The following STK32C variants were observed in gnomAD, a reference collection of about 807,000 sequenced individuals.
STK32C encodes serine/threonine kinase 32C.
STK32C carries 31 observed loss-of-function variants against 56.5 expected under a neutral mutation model. The ratio of observed to expected loss-of-function variants is 0.55; its 90% CI spans 0.41 to 0.74. The LOEUF is 0.74. STK32C is among the 30% of genes least tolerant of loss of function. The pLI is 0.00. For missense variants in STK32C, 544 were observed against 676.9 expected (o/e 0.80, Z 2.18); for synonymous variants, 309 against 289.4 (o/e 1.07, Z -0.69).
chr10:132,217,024 TGAGAA>T (rs2062493931), intron 10 of STK32C, among the ~76,000 whole-genome samples: 2 of 151,944 alleles, frequency 1.3e-5, no homozygotes, highest in South Asian at 4.2e-4. Context: ...AGTGGAGCTC[TGAGAA>T]GAGGGCCACC....
rs1258073487 is a variant in STK32C, at chr10:132,207,785, T to C, written c.*225A>G. 2 of 483,576 alleles carry C rather than the reference T, an allele frequency of 4.1e-6. No homozygotes were observed. Among genetic ancestry groups the C allele is most frequent in the Non-Finnish European group, 6.5e-6 (2 of 307,838 alleles). 30.0% of individuals were successfully genotyped at this position (483,576 alleles called of 1,614,324 possible). A position where few individuals can be genotyped will look rare whatever the true frequency, so the allele number is the denominator to read the frequency against. On this transcript the variant is annotated 3_prime_UTR_variant, in exon 12 of 12. Transcript: ENST00000298630. ...GCAGCGCTTCCTCCATCTAGGCGGGTCTCGGGGGCCCACGGGAAATGCCCT... is the reference window on the plus strand; with the variant it reads ...GCAGCGCTTCCTCCATCTAGGCGGGCCTCGGGGGCCCACGGGAAATGCCCT...
chr10:132,295,551 C>CA (rs1264694355), intron 1 of STK32C, among the ~76,000 whole-genome samples: 20 of 152,166 alleles, frequency 1.3e-4, no homozygotes, highest in African/African-American at 4.6e-4. Context: ...ATATCAATGA[C>CA]GGGGTAACAG....
upstream of STK32C, among the ~76,000 whole-genome samples, chr10:132,312,222 T>G (rs1564799426): frequency 6.6e-6 from 1 of 152,132 alleles, no homozygotes; most frequent in Non-Finnish European, 1.5e-5. Context: ...TGGCCTAGGC[T>G]GATCTCAAAC....
chr10:132,243,112 C>T (rs2063563854), intron 2 of STK32C, among the ~76,000 whole-genome samples: 3 of 152,230 alleles, frequency 2.0e-5, no homozygotes, highest in African/African-American at 4.8e-5. Flanking sequence ...GACCTCCCCT[C>T]ATCCCTGGGG....
rs369740357 is a variant in STK32C at position 132,328,398 on chromosome 10, T to G, written c.301+3038A>C. On this transcript the variant is annotated intron_variant, in intron 1 of 1. Transcript: ENST00000368619. The stretch of plus-strand genomic sequence containing the variant: ...GCAGGGTTTGCAAAATATCTCAAGC[T>G]CTGATCTTGGGTTTTACAATAGTGA... Among the ~76,000 whole-genome samples the G allele has an allele frequency of 3.8e-4, 58 of 152,232 alleles. 1 individual carries two copies. The East Asian group carries it at 6.6e-3, about 17-fold the overall frequency.
intron 1 of STK32C, among the ~76,000 whole-genome samples, chr10:132,305,412 C>A (rs1161982676): frequency 6.6e-6 from 1 of 152,212 alleles, no homozygotes; most frequent in Non-Finnish European, 1.5e-5. Context: ...TCTCTGCATA[C>A]TAAATTTGAT....
chr10:132,274,328 T>G (rs2064932798), intron 1 of STK32C, among the ~76,000 whole-genome samples: 1 of 152,156 alleles, frequency 6.6e-6, no homozygotes, highest in South Asian at 2.1e-4. Flanking sequence ...ACACCAAATG[T>G]GGGTCAACAG....
At chr10:132,313,092 G>A (rs1328847087) in intron 1 of STK32C, among the ~76,000 whole-genome samples, 1 of 152,172 alleles carries the variant, frequency 6.6e-6, no homozygotes, top group Non-Finnish European at 1.5e-5. Flanking sequence ...TATGATGGTG[G>A]GATGGGAGGT....
intron 2 of STK32C, among the ~76,000 whole-genome samples, chr10:132,244,601 G>A (rs1331303623): frequency 3.3e-5 from 5 of 152,164 alleles, no homozygotes; most frequent in South Asian, 4.1e-4. Context: ...CATGCTGGCC[G>A]GGCCCAGGCT....
chr10:132,222,672 G>A lies in STK32C; in HGVS notation c.1220C>T (p.Ser407Phe). 2.5e-6 allele frequency: 4 copies of A among 1,613,220 alleles called. No homozygotes were observed. Among genetic ancestry groups the A allele is most frequent in the Non-Finnish European group, 2.5e-6 (3 of 1,179,956 alleles). Reference sequence around the variant, plus strand: ...GGAGCTGTCCCTGCTGTTGTCCCGGGACTTGTTCTTGGCCAGACGCTTCTT... The same window carrying A: ...GGAGCTGTCCCTGCTGTTGTCCCGGAACTTGTTCTTGGCCAGACGCTTCTT... Reference protein sequence around the residue: ...KKKKRLAKNKSRDNSRDSSQS... With the variant: ...KKKKRLAKNKFRDNSRDSSQS... The change falls in exon 10 of 12, where the codon TCC (serine) becomes TTC (phenylalanine). Residue 407 changes from serine (S) to phenylalanine (F), a missense_variant. This residue lies in a region of STK32C where 277 missense variants were observed against 309.3 expected (regional missense o/e 0.90). Transcript: ENST00000298630.
intron 1 of STK32C, among the ~76,000 whole-genome samples, chr10:132,300,945 GA>G (rs1168008772): frequency 6.6e-6 from 1 of 152,192 alleles, no homozygotes; most frequent in Non-Finnish European, 1.5e-5. Context: ...GAGGTTCAGA[GA>G]AACACACAGC....
chr10:132,255,833 G>A lies in STK32C; in HGVS notation c.263-9878C>T, dbSNP rs1167992765. ...TGCCAGCACCATGGCCCAGCATTAC[G>A]TGCGCTGCCCACGCATCTCCGAGGG... On this transcript the variant is annotated intron_variant, in intron 1 of 11. Coordinates refer to ENST00000298630, the MANE Select transcript of STK32C (RefSeq NM_173575.4). This position sits in a 1 kb window ranked among gnomAD's most constrained non-coding sequence, Gnocchi z 4.6. Among the ~76,000 whole-genome samples the A allele has an allele frequency of 1.3e-5, 2 of 152,178 alleles. No individual in the cohort carries two copies. The highest frequency in any genetic ancestry group is 2.1e-4 in the South Asian group (1 of 4,834).
chr10:132,223,977 C>T (rs2062778762), intron 8 of STK32C, among the ~76,000 whole-genome samples: 1 of 152,218 alleles, frequency 6.6e-6, no homozygotes, highest in African/African-American at 2.4e-5. Context: ...TGGGCAGTGG[C>T]TGCCCACCTT....
intron 2 of STK32C, among the ~76,000 whole-genome samples, chr10:132,240,806 A>T (rs972079686): frequency 6.6e-6 from 1 of 152,040 alleles, no homozygotes; most frequent in Admixed American, 6.5e-5. Context: ...AGACCCACTT[A>T]GGGTCAAGGG....
intron 7 of STK32C, among the ~76,000 whole-genome samples, chr10:132,224,997 G>C (rs2062832252): frequency 3.3e-5 from 5 of 152,216 alleles, no homozygotes. Flanking sequence ...CCCCCACAGA[G>C]GCTGGCCTGC....
chr10:132,240,242 C>T (rs917310799), intron 2 of STK32C, among the ~76,000 whole-genome samples: 5 of 152,242 alleles, frequency 3.3e-5, no homozygotes, highest in South Asian at 2.1e-4. Context: ...CAGTGCTGCT[C>T]GCCACCTGCA....
chr10:132,310,800 G>A (rs748775986), upstream of STK32C, among the ~76,000 whole-genome samples: 3 of 152,356 alleles, frequency 2.0e-5, no homozygotes, highest in South Asian at 2.1e-4. The surrounding 1 kb of genome is among the most constrained non-coding windows in gnomAD (Gnocchi z 4.6). Flanking sequence ...GTGCATGATC[G>A]TGGGACCACT....
chr10:132,230,618 A>G (rs1221879836), intron 2 of STK32C, among the ~76,000 whole-genome samples: 1 of 133,268 alleles, frequency 7.5e-6, no homozygotes. Context: ...TCTGCCCCTC[A>G]GGAGCCTGGC....
intron 1 of STK32C, among the ~76,000 whole-genome samples, chr10:132,304,775 C>G (rs1222921511): frequency 2.0e-5 from 3 of 152,250 alleles, no homozygotes; most frequent in Admixed American, 6.5e-5. Context: ...GCCCCTGGTC[C>G]TGCCTCACTG....
Sources: gnomAD v4.1 joint callset for allele counts (sites outside exome capture counted in the v4.1 genomes callset) on GRCh38, gnomAD v4.1.1 for gene constraint, gnomAD v4.1.1 regional missense constraint, Gnocchi (gnomAD v3.1) non-coding constraint, MANE v1.5 for transcripts, NCBI Gene and HGNC (gene_info 2026-07-23, HGNC 2026-07-21) for gene names.